Variants in LRRC37A2 observed in about 807,000 individuals in gnomAD.
LRRC37A2 encodes leucine-rich repeat-containing protein 37A2.
In LRRC37A2, 9 loss-of-function variants were observed where a neutral mutation model predicts 68.8. The ratio of observed to expected loss-of-function variants is 0.13; its 90% CI spans 0.08 to 0.23. The LOEUF (loss-of-function observed/expected upper bound fraction) is 0.23, where lower values mean the gene tolerates loss of function less well. Ranked by LOEUF, LRRC37A2 falls within the 10% of genes least tolerant of loss-of-function variation. LRRC37A2 has a pLI of 1.00. For synonymous variants in LRRC37A2, 63 were observed against 367.6 expected (o/e 0.17, Z 9.48); for missense variants, 168 against 950.4 (o/e 0.18, Z 10.82).
chr17:46,773,604 G>A, the LRRC37A2 span: 4 of 1,444,436 alleles, frequency 2.8e-6, no homozygotes, highest in Non-Finnish European at 3.7e-6. Flanking sequence ...GGGGTGGAAG[G>A]GCATACAGTC....
chr17:46,785,618 G>A, the LRRC37A2 span, among the ~76,000 whole-genome samples: 1 of 152,224 alleles, frequency 6.6e-6, no homozygotes, highest in Non-Finnish European at 1.5e-5. Flanking sequence ...CCCTTTCAGG[G>A]CCACGAGGGG....
At chr17:46,979,144 G>A in the LRRC37A2 span, 3 of 957,848 alleles carry the variant, frequency 3.1e-6, no homozygotes, top group Non-Finnish European at 4.2e-6. Context: ...GCGGGAGGCT[G>A]GCTGCCTGCG....
the LRRC37A2 span, among the ~76,000 whole-genome samples, chr17:46,725,134 G>A: frequency 3.3e-5 from 5 of 151,982 alleles, no homozygotes; most frequent in Non-Finnish European, 7.4e-5. Context: ...ATATATATAC[G>A]TAATATACAA....
the LRRC37A2 span, among the ~76,000 whole-genome samples, chr17:46,997,419 G>A: frequency 6.6e-6 from 1 of 152,102 alleles, no homozygotes; most frequent in African/African-American, 2.4e-5. Flanking sequence ...TCTAGATATG[G>A]AATGTCAATA....
At chr17:47,018,271 A>G in the LRRC37A2 span, 2 of 1,611,626 alleles carry the variant, frequency 1.2e-6, no homozygotes, top group Non-Finnish European at 1.7e-6. Flanking sequence ...ATCAGTGAGC[A>G]GCAGCAGCCA....
chr17:46,796,530 G>A, the LRRC37A2 span, among the ~76,000 whole-genome samples: 2 of 152,224 alleles, frequency 1.3e-5, no homozygotes, highest in African/African-American at 4.8e-5. Context: ...GCCCCTCTCA[G>A]AAGGAGTTGG....
At chr17:46,877,404 G>A in the LRRC37A2 span, among the ~76,000 whole-genome samples, 1 of 152,174 alleles carries the variant, frequency 6.6e-6, no homozygotes, top group Non-Finnish European at 1.5e-5. Context: ...CCTCCGCTGA[G>A]GCCTCATTCT....
chr17:46,743,091 G>C, the LRRC37A2 span, among the ~76,000 whole-genome samples: 4 of 152,068 alleles, frequency 2.6e-5, no homozygotes, highest in Admixed American at 2.6e-4. Context: ...TGACTCCTTC[G>C]GAGGGGGTGT....
chr17:46,882,394 A>G, the LRRC37A2 span, among the ~76,000 whole-genome samples: 4 of 152,184 alleles, frequency 2.6e-5, no homozygotes, highest in Non-Finnish European at 5.9e-5. Context: ...CAGGTTAAAC[A>G]TTTTGGCAAT....
At chr17:47,022,778 C>A in the LRRC37A2 span, among the ~76,000 whole-genome samples, 1 of 152,182 alleles carries the variant, frequency 6.6e-6, no homozygotes, top group Non-Finnish European at 1.5e-5. Flanking sequence ...CCTGCATAAT[C>A]CATAGTATGG....
chr17:46,969,492 G>A, the LRRC37A2 span, among the ~76,000 whole-genome samples: 1 of 152,330 alleles, frequency 6.6e-6, no homozygotes, highest in East Asian at 1.9e-4. Flanking sequence ...GCCCCACCCT[G>A]CAGAGGGGCC....
chr17:46,828,998 G>C, the LRRC37A2 span, among the ~76,000 whole-genome samples: 2 of 152,138 alleles, frequency 1.3e-5, no homozygotes, highest in African/African-American at 4.8e-5. Context: ...GTTCTGCCCA[G>C]TGCTGCCTTT....
At chr17:46,495,709 T>C in the LRRC37A2 span, among the ~76,000 whole-genome samples, 3 of 148,968 alleles carry the variant, frequency 2.0e-5, no homozygotes, top group South Asian at 4.2e-4. Context: ...TAAAAACATA[T>C]CTTAGAATTT....
chr17:46,876,551 A>G, the LRRC37A2 span: 1 of 1,613,636 alleles, frequency 6.2e-7, no homozygotes, highest in Non-Finnish European at 8.5e-7. Flanking sequence ...CACAGCAGGT[A>G]GGGTGTGCTC....
the LRRC37A2 span, among the ~76,000 whole-genome samples, chr17:46,836,095 C>CGTACGTGT: frequency 7.9e-6 from 1 of 126,434 alleles, no homozygotes; most frequent in African/African-American, 3.2e-5. Flanking sequence ...GAGACGCTGA[C>CGTACGTGT]GTGTGTGTGT....
At chr17:46,774,258 C>G in the LRRC37A2 span, among the ~76,000 whole-genome samples, 2 of 152,264 alleles carry the variant, frequency 1.3e-5, no homozygotes, top group African/African-American at 4.8e-5. Context: ...GGTCCAGCTT[C>G]CCTGATGGGC....
the LRRC37A2 span, among the ~76,000 whole-genome samples, chr17:46,837,757 C>G: frequency 6.6e-6 from 1 of 152,182 alleles, no homozygotes; most frequent in Non-Finnish European, 1.5e-5. Flanking sequence ...TCCCACTCAC[C>G]AGGCAGAGGA....
At chr17:46,503,012 A>AT in the LRRC37A2 span, among the ~76,000 whole-genome samples, 1 of 150,644 alleles carries the variant, frequency 6.6e-6, no homozygotes, top group Non-Finnish European at 1.5e-5. Flanking sequence ...GGAGATGGAG[A>AT]TCATCCTGGC....
At chr17:46,773,616 T>TGGGGGGGGGGGGGGGGGGGGGGGGGGGG in the LRRC37A2 span, 1 of 997,790 alleles carries the variant, frequency 1.0e-6, no homozygotes, top group Non-Finnish European at 1.5e-6. Flanking sequence ...CATACAGTCC[T>TGGGGGGGGGGGGGGGGGGGGGGGGGGGG]GATCCCTCCC....
Sources: gnomAD v4.1 joint callset for allele counts (sites outside exome capture counted in the v4.1 genomes callset) on GRCh38, gnomAD v4.1.1 for gene constraint, MANE v1.5 for transcripts, NCBI Gene and HGNC (gene_info 2026-07-23, HGNC 2026-07-21) for gene names.